The following EPHB1 variants were observed in gnomAD, a reference collection of about 807,000 sequenced individuals.
EPHB1 encodes EPH receptor B1, also known as ephrin type-B receptor 1.
A neutral mutation model predicts 94.4 loss-of-function variants in EPHB1; 30 were observed. The observed-to-expected ratio is 0.32, with a 90% CI of 0.24 to 0.43. The LOEUF (loss-of-function observed/expected upper bound fraction) is 0.43, where lower values mean the gene tolerates loss of function less well. Among genes scored for constraint, EPHB1 ranks in the 20% least tolerant of loss-of-function variants. The probability of loss-of-function intolerance (pLI) is 1.00; values close to 1 mark genes in which losing one functional copy is unlikely to be tolerated. For synonymous variants in EPHB1, 522 were observed against 489.1 expected, an observed-to-expected ratio of 1.07 and a Z score of -0.89; for missense variants, 1,055 against 1,308.3, an observed-to-expected ratio of 0.81 and a Z score of 2.99.
intron 4 of EPHB1, among the ~76,000 whole-genome samples, chr3:135,110,879 G>A (rs1041770157): frequency 6.6e-6 from 1 of 152,148 alleles, no homozygotes; most frequent in Non-Finnish European, 1.5e-5. Context: ...GGGGTGGGGG[G>A]GTGGTGTCCC....
At chr3:135,139,034 C>T (rs1282055377) in intron 5 of EPHB1, among the ~76,000 whole-genome samples, 1 of 152,232 alleles carries the variant, frequency 6.6e-6, no homozygotes, top group Non-Finnish European at 1.5e-5. Context: ...CACTTTCTCA[C>T]CTACCACCAG....
At chr3:134,995,459 G>T (rs780255440) in intron 3 of EPHB1, among the ~76,000 whole-genome samples, 1 of 152,086 alleles carries the variant, frequency 6.6e-6, no homozygotes, top group Non-Finnish European at 1.5e-5. Flanking sequence ...TAACATTCAT[G>T]TACATGTTTT....
At chr3:135,091,307 C>T (rs1449015256) in intron 3 of EPHB1, among the ~76,000 whole-genome samples, 1 of 152,192 alleles carries the variant, frequency 6.6e-6, no homozygotes, top group Non-Finnish European at 1.5e-5. Context: ...ACATTGGCAC[C>T]ATGACTTGTT....
chr3:135,071,661 G>C (rs773687009), intron 3 of EPHB1, among the ~76,000 whole-genome samples: 21 of 152,078 alleles, frequency 1.4e-4, no homozygotes, highest in Non-Finnish European at 2.6e-4. Flanking sequence ...TTATTTTGAT[G>C]ATGAGTGAAA....
chr3:134,948,906 G>A (rs9869233), intron 2 of EPHB1, among the ~76,000 whole-genome samples: 75,719 of 152,148 alleles, frequency 0.5, 19,744 homozygotes, highest in African/African-American at 0.64. Context: ...TTCCAGAGCT[G>A]GAGTAACTCA....
chr3:135,067,311 G>A (rs1344987193), intron 3 of EPHB1, among the ~76,000 whole-genome samples: 1 of 152,144 alleles, frequency 6.6e-6, no homozygotes, highest in Non-Finnish European at 1.5e-5. Context: ...AGGGCAATGA[G>A]GTGGAGGCAG....
chr3:135,256,826 C>G (rs1933415044), intron 15 of EPHB1, among the ~76,000 whole-genome samples: 1 of 151,660 alleles, frequency 6.6e-6, no homozygotes, highest in African/African-American at 2.4e-5. Flanking sequence ...CAACTTGGTT[C>G]CATTCTCCCC....
At chr3:134,908,982 TCAACAGAGG>T in intron 1 of EPHB1, among the ~76,000 whole-genome samples, 1 of 151,284 alleles carries the variant, frequency 6.6e-6, no homozygotes, top group African/African-American at 2.4e-5. Flanking sequence ...CTGGAATCCA[TCAACAGAGG>T]TAGGATGTGC....
At chr3:134,922,949 T>A (rs929396987) in intron 1 of EPHB1, among the ~76,000 whole-genome samples, 1 of 152,210 alleles carries the variant, frequency 6.6e-6, no homozygotes, top group African/African-American at 2.4e-5. Flanking sequence ...GCGGAGACAT[T>A]TTAATAATCA....
intron 1 of EPHB1, among the ~76,000 whole-genome samples, chr3:134,897,085 T>A (rs1384393381): frequency 6.6e-6 from 1 of 152,236 alleles, no homozygotes; most frequent in African/African-American, 2.4e-5. Context: ...CATGATTCTC[T>A]GCCACAATCA....
chr3:134,882,761 C>CTTTCTTTTTTCTTT lies in EPHB1; in HGVS notation c.59-43055_59-43054insTTTCTTTTTTCTTT, dbSNP rs59448814. On this transcript the variant is annotated intron_variant, in intron 1 of 15. Transcript: ENST00000398015. ...TTCCTTCTTTCTTCCTTTCTTCCTT[C>CTTTCTTTTTTCTTT]CTTCCTTTCTTTCTTTCTTTCTTTC... Among the ~76,000 whole-genome samples, 19 of 31,288 alleles carry CTTTCTTTTTTCTTT rather than the reference C, an allele frequency of 6.1e-4. 1 individual carries two copies. The East Asian group carries it at 0.027, about 45-fold the overall frequency. The allele number at this position is 31,288 out of a possible 152,430, so 20.5% of individuals were successfully genotyped here.
At chr3:135,016,865 G>A (rs1935814201) in intron 3 of EPHB1, among the ~76,000 whole-genome samples, 1 of 151,970 alleles carries the variant, frequency 6.6e-6, no homozygotes, top group South Asian at 2.1e-4. Context: ...CTCCTTTCTC[G>A]GGACTCTGGC....
chr3:135,158,130 G>C (rs1941407701), intron 6 of EPHB1, among the ~76,000 whole-genome samples: 1 of 152,192 alleles, frequency 6.6e-6, no homozygotes, highest in Admixed American at 6.5e-5. Flanking sequence ...CTTGCAAACA[G>C]AATGATCTGC....
chr3:134,880,900 T>C (rs898474195), intron 1 of EPHB1, among the ~76,000 whole-genome samples: 2 of 152,188 alleles, frequency 1.3e-5, no homozygotes, highest in Non-Finnish European at 2.9e-5. Flanking sequence ...GCTTTATCTG[T>C]GAGAGGAAGA....
At chr3:134,891,891 C>T (rs928924961) in intron 1 of EPHB1, among the ~76,000 whole-genome samples, 1 of 152,186 alleles carries the variant, frequency 6.6e-6, no homozygotes, top group African/African-American at 2.4e-5. Flanking sequence ...TCACACTATG[C>T]CATGTTAGAT....
At chr3:134,963,654 G>A (rs1279525740) in intron 3 of EPHB1, among the ~76,000 whole-genome samples, 2 of 152,132 alleles carry the variant, frequency 1.3e-5, no homozygotes, top group East Asian at 1.9e-4. Flanking sequence ...CCGAGGCACC[G>A]AGAAGGTAAG....
At chr3:135,007,963 G>A (rs893954910) in intron 3 of EPHB1, among the ~76,000 whole-genome samples, 5 of 152,222 alleles carry the variant, frequency 3.3e-5, no homozygotes, top group East Asian at 1.9e-4. Context: ...GGGGATGGCC[G>A]AGGCCCCAGC....
At chr3:134,982,671 A>G (rs1304117351) in intron 3 of EPHB1, among the ~76,000 whole-genome samples, 1 of 152,216 alleles carries the variant, frequency 6.6e-6, no homozygotes, top group Non-Finnish European at 1.5e-5. Context: ...TAAAAAGGAA[A>G]TATTTTTGAA....
At chr3:135,233,922 C>T (rs1272074100) in intron 12 of EPHB1, among the ~76,000 whole-genome samples, 4 of 152,156 alleles carry the variant, frequency 2.6e-5, no homozygotes, top group Non-Finnish European at 2.9e-5. Context: ...TACAGTTCTG[C>T]AGTTCCAAGG....
Sources: gnomAD v4.1 joint callset for allele counts (sites outside exome capture counted in the v4.1 genomes callset) on GRCh38, gnomAD v4.1.1 for gene constraint, MANE v1.5 for transcripts, NCBI Gene and HGNC (gene_info 2026-07-23, HGNC 2026-07-21) for gene names.